Variants in LRPPRC observed in about 807,000 individuals in gnomAD.
LRPPRC encodes leucine-rich PPR motif-containing protein, mitochondrial.
In LRPPRC, 120 loss-of-function variants were observed where a neutral mutation model predicts 180.3. The ratio of observed to expected loss-of-function variants is 0.67; its 90% CI spans 0.57 to 0.77. The LOEUF is 0.77. Ranked by LOEUF, LRPPRC falls within the 30% of genes least tolerant of loss-of-function variation. LRPPRC has a pLI of 0.00. For missense variants in LRPPRC, 2,012 were observed against 1,657.2 expected (o/e 1.21, Z -3.72); for synonymous variants, 723 against 600.0 (o/e 1.21, Z -3.00).
Position 43,896,214 on chromosome 2 carries a change from CTTTCTTTCTTTT to C in LRPPRC, c.3900+408_3900+419del, listed in dbSNP as rs1670677667. The C allele has an allele frequency of 1.3e-4, 6 of 47,980 alleles. No individual in the cohort carries two copies. The Admixed American group carries it at 1.7e-3, about 13-fold the overall frequency. The allele number at this position is 47,980 out of a possible 1,614,324, so 3.0% of individuals were successfully genotyped here. ...TAATCTTCCATTTCTTTCTTTCTTT[CTTTCTTTCTTTT>C]TTTTTTTTTTTTTTTTTGTAAAGAC... On this transcript the variant is annotated intron_variant, in intron 35 of 37. Transcript: ENST00000260665.
chr2:43,983,238 G>A (rs1343825741), intron 1 of LRPPRC, among the ~76,000 whole-genome samples: 3 of 152,172 alleles, frequency 2.0e-5, no homozygotes, highest in African/African-American at 7.2e-5. Context: ...TAGTAATGGA[G>A]TCTAATATGC....
intron 25 of LRPPRC, among the ~76,000 whole-genome samples, chr2:43,929,165 G>C (rs984687685): frequency 1.3e-5 from 2 of 152,094 alleles, no homozygotes; most frequent in Non-Finnish European, 2.9e-5. Flanking sequence ...TCAATCTACA[G>C]TACATAACAA....
intron 5 of LRPPRC, 84 bp downstream of exon 5, chr2:43,976,910 A>G: frequency 1.8e-6 from 2 of 1,091,302 alleles, no homozygotes; most frequent in Non-Finnish European, 2.8e-6. Context: ...ATTAGGAAGA[A>G]GCTTTAAAAC....
chr2:43,960,775 T>C (rs1395879390), intron 12 of LRPPRC, 141 bp from the exon 13 acceptor site: 3 of 669,012 alleles, frequency 4.5e-6, no homozygotes, highest in East Asian at 2.7e-5. Context: ...AATTGAATTT[T>C]AGCAAAAATT....
intron 12 of LRPPRC, 199 bp downstream of exon 12, chr2:43,963,389 A>G: frequency 1.6e-6 from 1 of 625,746 alleles, no homozygotes; most frequent in Non-Finnish European, 2.8e-6. Context: ...GGTTGCAGTG[A>G]GCCAAGATTG....
intron 29 of LRPPRC, 54 bp downstream of exon 29, chr2:43,917,971 T>G: frequency 1.6e-6 from 2 of 1,265,148 alleles, no homozygotes; most frequent in Non-Finnish European, 2.3e-6. Context: ...CCCACACTGC[T>G]ATTAGAAAGA....
At chr2:43,904,202 A>G (rs1670985930) in intron 31 of LRPPRC, among the ~76,000 whole-genome samples, 1 of 152,142 alleles carries the variant, frequency 6.6e-6, no homozygotes, top group Non-Finnish European at 1.5e-5. Context: ...ACAGCCTCCC[A>G]AAGTGCTGGG....
rs1268125096 is a variant in LRPPRC, at chr2:43,974,225, T to C, written c.1080A>G (p.Ala360=). 6.2e-7 allele frequency: 1 copy of C among 1,611,322 alleles called. No individual in the cohort carries two copies. Among genetic ancestry groups the C allele is most frequent in the Non-Finnish European group, 8.5e-7 (1 of 1,177,530 alleles). Residue 360 remains alanine, a synonymous_variant, in exon 9 of 38, where the codon GCA becomes GCG. Transcript: ENST00000260665. ...LEDVALQILL[A]CPVSKEDGPS... is the part of the protein sequence containing the mutation. Reference sequence around the variant, plus strand: ...GGCCATCTTCCTTTGATACGGGGCATGCTAGTAAAATTTGCAACGCTACAT... The same window carrying C: ...GGCCATCTTCCTTTGATACGGGGCACGCTAGTAAAATTTGCAACGCTACAT...
chr2:43,915,232 T>TCTCTCTCTCTCTCA (rs1174216406), intron 29 of LRPPRC, among the ~76,000 whole-genome samples: 80 of 51,878 alleles, frequency 1.5e-3, no homozygotes, highest in Non-Finnish European at 1.9e-3. Flanking sequence ...TCTCTCTCTC[T>TCTCTCTCTCTCTCA]CACACACACA....
At chr2:43,893,801 G>C (rs879541233) in intron 36 of LRPPRC, among the ~76,000 whole-genome samples, 1 of 152,064 alleles carries the variant, frequency 6.6e-6, no homozygotes, top group Non-Finnish European at 1.5e-5. Flanking sequence ...TGTTCTCCCT[G>C]TAAGGACGGA....
At chr2:43,901,858 A>G (rs1558906686) in intron 31 of LRPPRC, 1 of 244,350 alleles carries the variant, frequency 4.1e-6, no homozygotes, top group Non-Finnish European at 8.0e-6. Flanking sequence ...GATTTTCTAG[A>G]GTTTCCAAAA....
chr2:43,905,614 T>A, intron 31 of LRPPRC, 78 bp downstream of exon 31: 1 of 1,019,072 alleles, frequency 9.8e-7, no homozygotes, highest in Non-Finnish European at 1.6e-6. Context: ...GACTCCTTTA[T>A]CCAAGTATTC....
At position 43,971,485 on chromosome 2, in the gene LRPPRC, T is replaced by TAAA. The variant is rs528659622; in HGVS notation, c.1369+2119_1369+2121dup. 5.0e-4 allele frequency among the ~76,000 whole-genome samples: 31 copies of TAAA among 62,374 alleles called. 2 individuals are homozygous for TAAA. Among genetic ancestry groups the TAAA allele is most frequent in the African/African-American group, 1.7e-3 (21 of 12,612 alleles). The allele number at this position is 62,374 out of a possible 152,430, so 40.9% of individuals were successfully genotyped here. On this transcript the variant is annotated intron_variant, in intron 11 of 37. Transcript: ENST00000260665. Reference sequence around the variant, plus strand: ...AGGACCTCCTGAGGCTGTGTCACAGTAAAAAAAAAAAAAAAAAAAGAAAAA... The same window carrying TAAA: ...AGGACCTCCTGAGGCTGTGTCACAGTAAAAAAAAAAAAAAAAAAAAAAGAAAAA...
intron 29 of LRPPRC, among the ~76,000 whole-genome samples, chr2:43,912,988 A>C (rs1268417222): frequency 6.6e-6 from 1 of 152,200 alleles, no homozygotes; most frequent in East Asian, 1.9e-4. Flanking sequence ...ATTTTAAAGC[A>C]ATCTTTAATC....
At chr2:43,890,154 C>T (rs185893893) in intron 36 of LRPPRC, 1 of 463,170 alleles carries the variant, frequency 2.2e-6, no homozygotes, top group Admixed American at 3.4e-5. Context: ...TAGGTTATTA[C>T]ATTATTTAAG....
In LRPPRC at chr2:43,974,274, A is replaced by C; in HGVS notation, c.1031T>G (p.Leu344Arg). ...YIPDAMNLIL[L>R]LVTEKLEDVA... ...ATCTTCCAATTTTTCAGTGACTAAAAGTAAAATGAGGTTCATTGCATCTGG... is the reference window on the plus strand; with the variant it reads ...ATCTTCCAATTTTTCAGTGACTAAACGTAAAATGAGGTTCATTGCATCTGG... Residue 344 changes from leucine (L) to arginine (R), a missense_variant, in exon 9 of 38, where the codon CTT becomes CGT. By Grantham distance (102) the Leu-to-Arg change is moderately radical (BLOSUM62 -2). Transcript: ENST00000260665. The C allele has an allele frequency of 1.2e-6, 2 of 1,612,262 alleles. No individual in the cohort carries two copies. Among genetic ancestry groups the C allele is most frequent in the African/African-American group, 2.7e-5 (2 of 75,062 alleles).
intron 25 of LRPPRC, among the ~76,000 whole-genome samples, chr2:43,932,635 G>C (rs1672132702): frequency 6.6e-6 from 1 of 152,124 alleles, no homozygotes; most frequent in African/African-American, 2.4e-5. Flanking sequence ...GTGAGGTAAA[G>C]AAGACAACAC....
At chr2:43,972,291 A>C (rs181843760) in intron 11 of LRPPRC, among the ~76,000 whole-genome samples, 1 of 152,318 alleles carries the variant, frequency 6.6e-6, no homozygotes, top group Admixed American at 6.5e-5. Context: ...TTCTAAGACA[A>C]GATGGATTTG....
intron 14 of LRPPRC, among the ~76,000 whole-genome samples, chr2:43,952,905 C>T (rs1672960726): frequency 6.6e-6 from 1 of 152,166 alleles, no homozygotes; most frequent in African/African-American, 2.4e-5. Flanking sequence ...TCATGTAAAC[C>T]TTTCAATGGC....
Sources: gnomAD v4.1 joint callset for allele counts (sites outside exome capture counted in the v4.1 genomes callset) on GRCh38, gnomAD v4.1.1 for gene constraint, MANE v1.5 for transcripts, NCBI Gene and HGNC (gene_info 2026-07-23, HGNC 2026-07-21) for gene names.